Variants in H6PD observed in about 807,000 individuals in gnomAD.
H6PD encodes the protein hexose-6-phosphate dehydrogenase/glucose 1-dehydrogenase, also known as GDH/6PGL endoplasmic bifunctional protein.
In H6PD, 48 loss-of-function variants were observed where a neutral mutation model predicts 61.2. That is an observed-to-expected ratio of 0.78 (90% CI 0.62 to 1.00). The LOEUF (loss-of-function observed/expected upper bound fraction) is 1.00. Ranked by LOEUF, H6PD falls within the 50% of genes least tolerant of loss-of-function variation. H6PD has a pLI of 0.00. For synonymous variants in H6PD, 480 were observed against 457.9 expected, an observed-to-expected ratio of 1.05 and a Z score of -0.62; for missense variants, 1,093 against 1,065.0, an observed-to-expected ratio of 1.03 and a Z score of -0.37.
chr1:9,240,732 A>G (rs776611469), intron 1 of H6PD, among the ~76,000 whole-genome samples: 13 of 152,260 alleles, frequency 8.5e-5, no homozygotes, highest in Non-Finnish European at 1.8e-4. Context: ...GGCTACTTCC[A>G]TGCTCTTTGG....
chr1:9,261,813 GT>G (rs1321400683), intron 3 of H6PD, among the ~76,000 whole-genome samples: 6 of 152,246 alleles, frequency 3.9e-5, no homozygotes, highest in Non-Finnish European at 7.3e-5. Flanking sequence ...GTGGATTTCT[GT>G]AGAGGCTCAC....
chr1:9,241,554 G>A (rs754407376), intron 1 of H6PD, among the ~76,000 whole-genome samples: 3 of 151,982 alleles, frequency 2.0e-5, no homozygotes, highest in Non-Finnish European at 2.9e-5. Context: ...GTGCCACCAC[G>A]CCCAGCTAGT....
chr1:9,238,394 C>T (rs1317028470), intron 1 of H6PD, among the ~76,000 whole-genome samples: 5 of 152,206 alleles, frequency 3.3e-5, no homozygotes, highest in Non-Finnish European at 5.9e-5. Flanking sequence ...TGTTGAGGCT[C>T]AGCCATAGAG....
intron 3 of H6PD, among the ~76,000 whole-genome samples, chr1:9,251,842 G>T (rs1641374718): frequency 6.6e-6 from 1 of 151,102 alleles, no homozygotes; most frequent in South Asian, 2.1e-4. Flanking sequence ...ATCCCAGAAG[G>T]TGTTGATGGG....
chr1:9,245,803 G>A lies in H6PD; in HGVS notation c.627+242G>A, dbSNP rs1327131704. On this transcript the variant is annotated intron_variant, in intron 2 of 4. Transcript: ENST00000377403. This position sits in a 1 kb window ranked among gnomAD's most constrained non-coding sequence, Gnocchi z 4.8. ...TGTCCTTTGCAAAGCCCCCGTTCTCGTTGTTTCCCAGTCTGGGCTCTGGCT... is the reference window on the plus strand; with the variant it reads ...TGTCCTTTGCAAAGCCCCCGTTCTCATTGTTTCCCAGTCTGGGCTCTGGCT... Among the ~76,000 whole-genome samples, 5 of 152,268 alleles carry A rather than the reference G, an allele frequency of 3.3e-5. No individual in the cohort carries two copies. The highest frequency in any genetic ancestry group is 6.5e-5 in the Admixed American group (1 of 15,290).
intron 3 of H6PD, among the ~76,000 whole-genome samples, chr1:9,255,425 G>A (rs1408258379): frequency 6.6e-6 from 1 of 152,062 alleles, no homozygotes; most frequent in East Asian, 1.9e-4. Context: ...GGGACCACAG[G>A]TGTATTTCAC....
Position 9,265,092 on chromosome 1 carries a change from G to C in H6PD, c.*223G>C, listed in dbSNP as rs1056309814. 18 of 613,944 alleles carry C rather than the reference G, an allele frequency of 2.9e-5. No homozygotes were observed. The highest frequency in any genetic ancestry group is 4.9e-5 in the Non-Finnish European group (17 of 344,272). 38.0% of individuals were successfully genotyped at this position (613,944 alleles called of 1,614,324 possible). A position where few individuals can be genotyped will look rare whatever the true frequency, so the allele number is the denominator to read the frequency against. ...CAGAAACAAGGAAGAAATGGAGTCT[G>C]CTCCTGAGAAGCTTCAAATTCAGGC... On this transcript the variant is annotated 3_prime_UTR_variant, in exon 5 of 5. Transcript: ENST00000377403.
chr1:9,247,673 G>T (rs1570095004), intron 3 of H6PD, among the ~76,000 whole-genome samples: 1 of 152,056 alleles, frequency 6.6e-6, no homozygotes, highest in African/African-American at 2.4e-5. Context: ...GGAGGACACC[G>T]CCTCTCCCGC....
At chr1:9,253,793 C>G (rs1217950272) in intron 3 of H6PD, among the ~76,000 whole-genome samples, 1 of 152,236 alleles carries the variant, frequency 6.6e-6, no homozygotes, top group Non-Finnish European at 1.5e-5. Context: ...ACTGTGTTTT[C>G]TAACCTCTTT....
intron 1 of H6PD, among the ~76,000 whole-genome samples, chr1:9,236,073 T>C (rs1343325866): frequency 6.6e-6 from 1 of 152,016 alleles, no homozygotes; most frequent in Non-Finnish European, 1.5e-5. Context: ...CACTGCAACC[T>C]TCTCCTCCTG....
chr1:9,267,481 G>C lies in H6PD; in HGVS notation c.*2612G>C, dbSNP rs1199452483. The C allele has an allele frequency of 6.6e-6, 1 of 152,262 alleles. No individual in the cohort carries two copies. Among genetic ancestry groups the C allele is most frequent in the Non-Finnish European group, 1.5e-5 (1 of 68,078 alleles). 9.4% of individuals were successfully genotyped at this position (152,262 alleles called of 1,614,324 possible). A position where few individuals can be genotyped will look rare whatever the true frequency, so the allele number is the denominator to read the frequency against. On this transcript the variant is annotated 3_prime_UTR_variant, in exon 5 of 5. Coordinates refer to ENST00000377403, the MANE Select transcript of H6PD (RefSeq NM_004285.4). ...TCCACATGCCCAAGTACCCCTGCAG[G>C]ATGAAGGGCAGGCCGGCCCTTGATG... is the stretch of plus-strand genomic sequence containing the variant.
Position 9,264,368 on chromosome 1 carries a change from ACT to A in H6PD, c.1879_1880del (p.Ser627ArgfsTer105). 1 of 1,612,262 alleles carries A rather than the reference ACT, an allele frequency of 6.2e-7. No individual in the cohort carries two copies. The highest frequency in any genetic ancestry group is 8.5e-7 in the Non-Finnish European group (1 of 1,179,778). ...GGCTGGTTGACGAGCGCTGCGTCCC[ACT>A]CTCAGACCCGGAGTCCAACTTCCAG... ...LWLVDERCVP[L>X]SDPESNFQGL... On this transcript the variant is annotated frameshift_variant, in exon 5 of 5. Coordinates refer to ENST00000377403, the MANE Select transcript of H6PD (RefSeq NM_004285.4). LOFTEE classifies it high-confidence loss of function.
intron 3 of H6PD, among the ~76,000 whole-genome samples, chr1:9,250,197 G>A (rs1641314796): frequency 6.6e-6 from 1 of 152,210 alleles, no homozygotes; most frequent in South Asian, 2.1e-4. Flanking sequence ...CCGGGTGAGG[G>A]CGGGAAACAG....
chr1:9,251,602 G>A (rs1417821070), intron 3 of H6PD, among the ~76,000 whole-genome samples: 1 of 152,138 alleles, frequency 6.6e-6, no homozygotes, highest in African/African-American at 2.4e-5. Context: ...TCTCACCGAG[G>A]GACCAGGGCA....
chr1:9,256,890 C>T (rs966596864), intron 3 of H6PD, among the ~76,000 whole-genome samples: 3 of 152,156 alleles, frequency 2.0e-5, no homozygotes, highest in East Asian at 1.9e-4. Context: ...TTTCCATGCA[C>T]GCCTGGTTCC....
At chr1:9,262,364 C>T in intron 4 of H6PD, 36 bp downstream of exon 4, 2 of 1,564,928 alleles carry the variant, frequency 1.3e-6, no homozygotes, top group South Asian at 1.2e-5. Flanking sequence ...CACTGGGCTG[C>T]CCACTTCGCC....
chr1:9,237,117 ATTTTGC>A (rs1215209329), intron 1 of H6PD, among the ~76,000 whole-genome samples: 1 of 151,772 alleles, frequency 6.6e-6, no homozygotes, highest in Non-Finnish European at 1.5e-5. Context: ...AGTGTTTTAC[ATTTTGC>A]CATTCAGGGA....
chr1:9,264,387 A>G lies in H6PD; in HGVS notation c.1894A>G (p.Asn632Asp), dbSNP rs1332742603. 1 of 1,612,978 alleles carries G rather than the reference A, an allele frequency of 6.2e-7. No homozygotes were observed. Among genetic ancestry groups the G allele is most frequent in the Non-Finnish European group, 8.5e-7 (1 of 1,179,946 alleles). ...CGTCCCACTCTCAGACCCGGAGTCC[A>G]ACTTCCAGGGCCTGCAGGCCCACCT... ...RCVPLSDPES[N>D]FQGLQAHLLQ... The change falls in exon 5 of 5, where the codon AAC becomes GAC. Residue 632 changes from asparagine to aspartate, a missense_variant. Physicochemically the swap from Asn to Asp is conservative, Grantham distance 23. Transcript: ENST00000377403.
rs537402854 is a variant in H6PD, at chr1:9,241,437, C to G, written c.-10-3488C>G. 1.1e-4 allele frequency among the ~76,000 whole-genome samples: 16 copies of G among 152,238 alleles called. No individual in the cohort carries two copies. In the South Asian group the frequency reaches 3.3e-3, roughly 32 times the overall value. On this transcript the variant is annotated intron_variant, in intron 1 of 4. Coordinates refer to ENST00000377403, the MANE Select transcript of H6PD (RefSeq NM_004285.4). ...TTACTTTTTTTGAGACAGGATCTTG[C>G]TCTGTCACCAGGCTGGAGTGCAGTG...
Sources: allele counts gnomAD v4.1 joint callset (sites outside exome capture counted in the v4.1 genomes callset), GRCh38; gene constraint gnomAD v4.1.1; non-coding constraint Gnocchi (gnomAD v3.1); transcripts MANE v1.5; gene names NCBI Gene and HGNC (gene_info 2026-07-23, HGNC 2026-07-21).